FAM13A: variants seen among roughly 807,000 people sequenced by gnomAD.
FAM13A encodes the protein protein FAM13A.
Under a neutral mutation model 129.6 loss-of-function variants are expected in FAM13A, and 76 were observed. The ratio of observed to expected loss-of-function variants is 0.59; its 90% confidence interval spans 0.49 to 0.71. The LOEUF (loss-of-function observed/expected upper bound fraction) is 0.71. Ranked by LOEUF, FAM13A falls within the 30% of genes least tolerant of loss-of-function variation. FAM13A has a pLI of 0.00. For missense variants in FAM13A, 1,108 were observed against 1,249.3 expected (o/e 0.89, Z 1.70); for synonymous variants, 443 against 449.9 (o/e 0.98, Z 0.20).
intron 1 of FAM13A, among the ~76,000 whole-genome samples, chr4:89,054,311 A>G (rs1029749508): frequency 1.7e-4 from 26 of 151,534 alleles, no homozygotes; most frequent in Admixed American, 1.5e-3. Flanking sequence ...ACACACACAC[A>G]CACACACGTA....
intron 7 of FAM13A, among the ~76,000 whole-genome samples, chr4:88,838,052 G>A (rs1735130382): frequency 3.3e-5 from 5 of 152,066 alleles, no homozygotes. Flanking sequence ...CATTTACATT[G>A]TATTAGGTAT....
At chr4:88,823,551 T>G (rs960706821) in intron 7 of FAM13A, among the ~76,000 whole-genome samples, 2 of 152,234 alleles carry the variant, frequency 1.3e-5, no homozygotes, top group African/African-American at 4.8e-5. Flanking sequence ...TTACAGAGAC[T>G]GCCAGCAAGG....
At chr4:88,855,063 AG>A (rs1298806918) in intron 6 of FAM13A, among the ~76,000 whole-genome samples, 2 of 152,176 alleles carry the variant, frequency 1.3e-5, no homozygotes, top group African/African-American at 4.8e-5. Context: ...TGTTCCGAGG[AG>A]TAAGTGGCAG....
At chr4:88,920,256 C>T (rs1246497726) in intron 5 of FAM13A, among the ~76,000 whole-genome samples, 2 of 151,862 alleles carry the variant, frequency 1.3e-5, no homozygotes, top group Non-Finnish European at 1.5e-5. Flanking sequence ...CTCAAGTGGA[C>T]CCCTGACCCC....
intron 3 of FAM13A, among the ~76,000 whole-genome samples, chr4:89,015,959 T>TATAC (rs971790646): frequency 1.3e-5 from 2 of 152,222 alleles, no homozygotes; most frequent in African/African-American, 4.8e-5. Context: ...CTCATACACA[T>TATAC]ATACATACAT....
chr4:88,754,277 A>G (rs1044970734), intron 14 of FAM13A, among the ~76,000 whole-genome samples: 1 of 152,214 alleles, frequency 6.6e-6, no homozygotes, highest in Non-Finnish European at 1.5e-5. Context: ...AAGTAATAAA[A>G]AAAGACTAGG....
chr4:88,788,007 G>T, intron 9 of FAM13A, 75 bp from the exon 10 acceptor site: 1 of 1,207,926 alleles, frequency 8.3e-7, no homozygotes, highest in Non-Finnish European at 1.2e-6. Flanking sequence ...TGTGCCTACA[G>T]TTTTGGGAAC....
intron 5 of FAM13A, among the ~76,000 whole-genome samples, chr4:88,913,693 AG>A (rs1157600326): frequency 6.6e-6 from 1 of 152,232 alleles, no homozygotes. Flanking sequence ...AAATGAATGA[AG>A]GAAGTCGGAG....
intron 15 of FAM13A, 90 bp downstream of exon 15, chr4:88,750,334 T>TA (rs1288096229): frequency 1.1e-5 from 12 of 1,083,406 alleles, no homozygotes; most frequent in African/African-American, 3.1e-5. Flanking sequence ...ACGACTTAAT[T>TA]AAAAAAAATT....
rs200964783 is a variant in FAM13A, at chr4:89,033,129, C to CAA, written c.28-3481_28-3480insTT. 1.5e-3 allele frequency among the ~76,000 whole-genome samples: 212 copies of CAA among 138,720 alleles called. 2 individuals are homozygous for CAA. The South Asian group carries it at 0.029, about 19-fold the overall frequency. 91.0% of individuals were successfully genotyped at this position (138,720 alleles called of 152,430 possible). ...CATTTCTGTTCTGTAACAACACACACACACACACTCTCTCTCTCTCTCTCT... is the reference window on the plus strand; with the variant it reads ...CATTTCTGTTCTGTAACAACACACACAAACACACACTCTCTCTCTCTCTCTCT... On this transcript the variant is annotated intron_variant, in intron 1 of 23. Transcript: ENST00000264344.
Position 88,874,375 on chromosome 4 carries a change from G to A in FAM13A, c.844-23192C>T, listed in dbSNP as rs537998461. 2.4e-3 allele frequency among the ~76,000 whole-genome samples: 370 copies of A among 152,290 alleles called. 2 individuals are homozygous for A. Among genetic ancestry groups the A allele is most frequent in the Non-Finnish European group, 4.4e-3 (296 of 68,032 alleles). On this transcript the variant is annotated intron_variant, in intron 6 of 23. Transcript: ENST00000264344. Reference sequence around the variant, plus strand: ...GTCTCTGTTTGCAGATGACATGATTGTATATTTAGAAAACCCCATCGTCTC... The same window carrying A: ...GTCTCTGTTTGCAGATGACATGATTATATATTTAGAAAACCCCATCGTCTC...
chr4:88,754,887 G>C (rs1743319937), intron 14 of FAM13A, among the ~76,000 whole-genome samples: 1 of 152,144 alleles, frequency 6.6e-6, no homozygotes, highest in African/African-American at 2.4e-5. Flanking sequence ...GAACAGGATA[G>C]GGCTGAGGAC....
At chr4:88,992,530 C>T (rs933823478) in intron 3 of FAM13A, among the ~76,000 whole-genome samples, 37 of 152,028 alleles carry the variant, frequency 2.4e-4, no homozygotes, top group Non-Finnish European at 2.8e-4. Context: ...CCACCACACC[C>T]GGCCAGAATA....
At chr4:88,925,108 G>A (rs1338828822) in intron 5 of FAM13A, among the ~76,000 whole-genome samples, 2 of 151,150 alleles carry the variant, frequency 1.3e-5, no homozygotes, top group African/African-American at 4.9e-5. Flanking sequence ...CTGTTGGTGG[G>A]ACTGTAAACT....
chr4:88,871,902 C>G (rs939850537), intron 6 of FAM13A, among the ~76,000 whole-genome samples: 1 of 152,166 alleles, frequency 6.6e-6, no homozygotes, highest in African/African-American at 2.4e-5. Flanking sequence ...AGAGAAAGGT[C>G]GGGTTACCCA....
chr4:88,878,287 CAAAAAAAAAAAA>C (rs56067813), intron 6 of FAM13A, among the ~76,000 whole-genome samples: 4 of 61,076 alleles, frequency 6.5e-5, no homozygotes, highest in South Asian at 7.7e-4. Context: ...GACTCCATCT[CAAAAAAAAAAAA>C]AAAAAAAAAA....
At position 88,805,019 on chromosome 4, in the gene FAM13A, GA is replaced by G; in HGVS notation, c.1040del (p.Phe347SerfsTer3). 6.4e-7 allele frequency: 1 copy of G among 1,555,518 alleles called. No individual in the cohort carries two copies. Among genetic ancestry groups the G allele is most frequent in the Non-Finnish European group, 8.9e-7 (1 of 1,129,596 alleles). On this transcript the variant is annotated frameshift_variant, in exon 8 of 24. Coordinates refer to ENST00000264344, the MANE Select transcript of FAM13A (RefSeq NM_014883.4). LOFTEE classifies it high-confidence loss of function. ...SQEDERPLSP[F>X]YLSAHVPQVS... ...AAAAATCAAATAAATACCTCAAATA[GA>G]AAGGTGACAGAGGTCTTTCATCTTC...
intron 3 of FAM13A, among the ~76,000 whole-genome samples, chr4:88,995,182 A>C (rs775009022): frequency 4.0e-4 from 59 of 147,316 alleles, no homozygotes; most frequent in Non-Finnish European, 6.8e-4. Flanking sequence ...TATTTGTTGC[A>C]CAAATATACA....
chr4:89,022,300 A>T (rs896382981), intron 2 of FAM13A, among the ~76,000 whole-genome samples: 3 of 152,302 alleles, frequency 2.0e-5, no homozygotes, highest in Non-Finnish European at 4.4e-5. Flanking sequence ...ACATTATCTT[A>T]GGTAATAAAA....
Sources: allele counts gnomAD v4.1 joint callset (sites outside exome capture counted in the v4.1 genomes callset), GRCh38; gene constraint gnomAD v4.1.1; transcripts MANE v1.5; gene names NCBI Gene and HGNC (gene_info 2026-07-23, HGNC 2026-07-21).